Variants in SLC14A2 observed in about 807,000 individuals in gnomAD.
SLC14A2 encodes urea transporter 2.
SLC14A2 carries 91 observed loss-of-function variants against 104.6 expected under a neutral mutation model. The observed-to-expected ratio is 0.87, with a 90% CI of 0.73 to 1.04. The LOEUF (loss-of-function observed/expected upper bound fraction) is 1.04. Among genes scored for constraint, SLC14A2 ranks in the 50% least tolerant of loss-of-function variants. The pLI is 0.00. For missense variants in SLC14A2, 1,189 were observed against 1,156.0 expected (o/e 1.03, Z -0.41); for synonymous variants, 476 against 466.4 (o/e 1.02, Z -0.27).
chr18:45,248,703 C>T (rs922479694), intron 1 of SLC14A2, among the ~76,000 whole-genome samples: 17 of 152,272 alleles, frequency 1.1e-4, no homozygotes, highest in Admixed American at 1.1e-3. Context: ...TCCACCCTGG[C>T]CAATTTTAGC....
chr18:45,624,672 A>AC lies in SLC14A2; in HGVS notation c.13dup (p.His5ProfsTer44). 6.2e-7 allele frequency: 1 copy of AC among 1,609,326 alleles called. No individual in the cohort carries two copies. The highest frequency in any genetic ancestry group is 8.5e-7 in the Non-Finnish European group (1 of 1,177,944). ...TGGCTGTGACCCGAAGGAATGTCTG[A>AC]CCCCCACAGCAGTCCTCTCCTGCCA... is the stretch of plus-strand genomic sequence containing the variant. On this transcript the variant is annotated frameshift_variant, in exon 2 of 20. Transcript: ENST00000255226. LOFTEE classifies it high-confidence loss of function.
rs570525400 is a variant in SLC14A2 at position 45,493,649 on chromosome 18, AT to A, written c.-35+10331del. Among the ~76,000 whole-genome samples the A allele has an allele frequency of 1.4e-3, 214 of 152,352 alleles. 1 individual carries two copies. Among genetic ancestry groups the A allele is most frequent in the Non-Finnish European group, 1.6e-3 (109 of 68,040 alleles). On this transcript the variant is annotated intron_variant, in intron 2 of 20. Transcript: ENST00000586448. ...TGCCAGAAATCACTATTCAATAAGC[AT>A]TTTAGCCACATGGCTGGAATAATTC...
At chr18:45,333,174 A>G (rs1599681995) in intron 1 of SLC14A2, among the ~76,000 whole-genome samples, 1 of 152,130 alleles carries the variant, frequency 6.6e-6, no homozygotes, top group African/African-American at 2.4e-5. Flanking sequence ...ATGCATCAGT[A>G]TCTTCTGGGG....
At chr18:45,458,777 C>T (rs1425469661) in intron 1 of SLC14A2, among the ~76,000 whole-genome samples, 1 of 152,190 alleles carries the variant, frequency 6.6e-6, no homozygotes, top group African/African-American at 2.4e-5. Context: ...TGTCCTCAAA[C>T]ATTTGTGGAT....
the SLC14A2 span, among the ~76,000 whole-genome samples, chr18:45,196,969 GA>G: frequency 6.6e-6 from 1 of 152,256 alleles, no homozygotes; most frequent in East Asian, 1.9e-4. Context: ...CAATGGGGAA[GA>G]CATCTCTAAG....
intron 2 of SLC14A2, among the ~76,000 whole-genome samples, chr18:45,523,303 C>T (rs1194291547): frequency 6.6e-6 from 1 of 151,886 alleles, no homozygotes; most frequent in Non-Finnish European, 1.5e-5. Flanking sequence ...GCAATCTATA[C>T]TCCCATCACC....
chr18:45,339,537 G>A (rs1480741197), intron 1 of SLC14A2, among the ~76,000 whole-genome samples: 9 of 151,518 alleles, frequency 5.9e-5, no homozygotes, highest in Admixed American at 4.0e-4. Context: ...TCACCTCTAG[G>A]GTATAGATTA....
At chr18:45,410,227 G>A (rs748994511) in intron 1 of SLC14A2, among the ~76,000 whole-genome samples, 13 of 152,096 alleles carry the variant, frequency 8.5e-5, no homozygotes, top group Middle Eastern at 3.2e-3. Context: ...CTTGCCCGCC[G>A]CTCATCTTCT....
chr18:45,408,923 A>C lies in SLC14A2; in HGVS notation c.-124-74310A>C, dbSNP rs2086184977. The stretch of plus-strand genomic sequence containing the variant: ...TTGAATTTCTTATCTTAAAAATGAG[A>C]GGTGTACATTGAGCACAACAGTCGT... On this transcript the variant is annotated intron_variant, in intron 1 of 20. Coordinates refer to the SLC14A2 transcript ENST00000586448. Among the ~76,000 whole-genome samples, 3 of 152,158 alleles carry C rather than the reference A, an allele frequency of 2.0e-5. No homozygotes were observed. In the South Asian group the frequency reaches 6.2e-4, roughly 32 times the overall value.
At chr18:45,456,179 G>A (rs116155335) in intron 1 of SLC14A2, among the ~76,000 whole-genome samples, 1,908 of 152,204 alleles carry the variant, frequency 0.013, 30 homozygotes, top group African/African-American at 0.033. Flanking sequence ...CCCAGACATA[G>A]CCAAATGCCC....
At chr18:45,348,804 G>A (rs1296587387) in intron 1 of SLC14A2, among the ~76,000 whole-genome samples, 2 of 152,212 alleles carry the variant, frequency 1.3e-5, no homozygotes, top group African/African-American at 4.8e-5. Context: ...AGCAAAGACT[G>A]ATAGTTCAGA....
intron 1 of SLC14A2, among the ~76,000 whole-genome samples, chr18:45,442,121 G>A (rs537951016): frequency 2.0e-5 from 3 of 152,290 alleles, no homozygotes; most frequent in African/African-American, 4.8e-5. Context: ...AGAGCATGCA[G>A]ATCCAAGTTT....
chr18:45,276,176 G>C (rs1168912187), intron 1 of SLC14A2, among the ~76,000 whole-genome samples: 2 of 152,236 alleles, frequency 1.3e-5, no homozygotes, highest in African/African-American at 4.8e-5. Flanking sequence ...ACCTGGGGCA[G>C]ATCATCTAGA....
At chr18:45,668,614 T>A in intron 15 of SLC14A2, 137 bp downstream of exon 15, 1 of 878,114 alleles carries the variant, frequency 1.1e-6, no homozygotes, top group Middle Eastern at 2.3e-4. Flanking sequence ...TCCACTGGAC[T>A]AATAACTAAG....
At chr18:45,674,468 G>T (rs2046193891) in intron 18 of SLC14A2, among the ~76,000 whole-genome samples, 1 of 152,122 alleles carries the variant, frequency 6.6e-6, no homozygotes, top group Non-Finnish European at 1.5e-5. Context: ...ATAATTTGTA[G>T]ATATATTTTC....
In SLC14A2 at chr18:45,581,218, G is replaced by A. The variant is rs1014730203; in HGVS notation, c.-34-43413G>A. Among the ~76,000 whole-genome samples the A allele has an allele frequency of 4.6e-5, 7 of 152,262 alleles. 1 individual carries two copies. Among genetic ancestry groups the A allele is most frequent in the Admixed American group, 1.3e-4 (2 of 15,306 alleles). The stretch of plus-strand genomic sequence containing the variant: ...GGGAGATGAGAACAGAGGGCAGAGG[G>A]GTGTGGGCCCAGCGATGAGGGCATC... On this transcript the variant is annotated intron_variant, in intron 2 of 20. Coordinates refer to the SLC14A2 transcript ENST00000586448.
intron 1 of SLC14A2, among the ~76,000 whole-genome samples, chr18:45,346,492 T>A (rs2085449360): frequency 6.6e-6 from 1 of 152,200 alleles, no homozygotes; most frequent in Non-Finnish European, 1.5e-5. Context: ...ATTTACTAGT[T>A]TAGAAAACAA....
chr18:45,301,851 A>G (rs2084971924), intron 1 of SLC14A2, among the ~76,000 whole-genome samples: 1 of 152,180 alleles, frequency 6.6e-6, no homozygotes, highest in Admixed American at 6.5e-5. Flanking sequence ...TTTGTCCTTG[A>G]GTGTGCCATA....
the SLC14A2 span, among the ~76,000 whole-genome samples, chr18:45,180,380 A>G: frequency 6.6e-6 from 1 of 152,206 alleles, no homozygotes; most frequent in Non-Finnish European, 1.5e-5. Context: ...CTTGGTACCT[A>G]GAAATGACCA....
Sources: gnomAD v4.1 joint callset for allele counts (sites outside exome capture counted in the v4.1 genomes callset) on GRCh38, gnomAD v4.1.1 for gene constraint, MANE v1.5 for transcripts, NCBI Gene and HGNC (gene_info 2026-07-23, HGNC 2026-07-21) for gene names.